NLGN1: variants seen among roughly 807,000 people sequenced by gnomAD.
The protein encoded by NLGN1 is neuroligin 1.
NLGN1 carries 12 observed loss-of-function variants against 65.5 expected under a neutral mutation model. The observed-to-expected ratio is 0.18, with a 90% CI of 0.12 to 0.30. The LOEUF is 0.30. Ranked by LOEUF, NLGN1 falls within the 10% of genes least tolerant of loss-of-function variation. NLGN1 has a pLI of 1.00. For synonymous variants in NLGN1, 350 were observed against 359.5 expected, an observed-to-expected ratio of 0.97 and a Z score of 0.30; for missense variants, 750 against 1,007.1, an observed-to-expected ratio of 0.74 and a Z score of 3.46.
Position 174,147,229 on chromosome 3 carries a change from G to A in NLGN1, c.647-128086G>A, listed in dbSNP as rs552681821. 1.1e-4 allele frequency among the ~76,000 whole-genome samples: 16 copies of A among 152,096 alleles called. No homozygotes were observed. The South Asian group carries it at 1.5e-3, about 14-fold the overall frequency. ...TTTGTGTAAGGATGTCATAGGTAGC[G>A]TCTGTAAAAGTTCCCGGCTCCAGGA... On this transcript the variant is annotated intron_variant, in intron 4 of 6. Transcript: ENST00000457714.
At chr3:174,211,131 C>T (rs1007081485) in intron 4 of NLGN1, among the ~76,000 whole-genome samples, 1 of 152,136 alleles carries the variant, frequency 6.6e-6, no homozygotes, top group Non-Finnish European at 1.5e-5. Context: ...TGTTACAGCT[C>T]ATAAAAGCAG....
chr3:174,157,409 A>G (rs1725640195), intron 4 of NLGN1, among the ~76,000 whole-genome samples: 1 of 151,840 alleles, frequency 6.6e-6, no homozygotes, highest in Admixed American at 6.6e-5. Flanking sequence ...TAAGTATTAT[A>G]AGTCACTATT....
At chr3:173,457,782 G>A (rs146997846) in intron 2 of NLGN1, among the ~76,000 whole-genome samples, 75 of 152,186 alleles carry the variant, frequency 4.9e-4, no homozygotes, top group African/African-American at 1.8e-3. Context: ...TGGAGATGAT[G>A]AAAAAGAAAA....
chr3:174,241,180 C>T (rs952338908), intron 4 of NLGN1, among the ~76,000 whole-genome samples: 2 of 152,128 alleles, frequency 1.3e-5, no homozygotes, highest in Non-Finnish European at 2.9e-5. Flanking sequence ...TCTTTATACT[C>T]ATTTTAACTG....
intron 4 of NLGN1, among the ~76,000 whole-genome samples, chr3:174,125,255 A>G (rs1408148003): frequency 2.6e-5 from 4 of 152,132 alleles, no homozygotes; most frequent in Non-Finnish European, 5.9e-5. Flanking sequence ...AAAGAAAGTA[A>G]GACTCATTTA....
At chr3:173,425,179 C>T (rs1298350975) in intron 1 of NLGN1, among the ~76,000 whole-genome samples, 1 of 152,096 alleles carries the variant, frequency 6.6e-6, no homozygotes, top group Non-Finnish European at 1.5e-5. Context: ...ATGAGAACAG[C>T]AAGGGGAAAC....
chr3:173,516,713 T>C (rs1018256299), intron 2 of NLGN1, among the ~76,000 whole-genome samples: 1 of 152,088 alleles, frequency 6.6e-6, no homozygotes. Flanking sequence ...ACTTTATGTA[T>C]GTTCTTCATA....
At chr3:174,152,333 T>C (rs1254332304) in intron 4 of NLGN1, among the ~76,000 whole-genome samples, 4 of 152,166 alleles carry the variant, frequency 2.6e-5, no homozygotes, top group African/African-American at 9.7e-5. Flanking sequence ...TATTTTAGAT[T>C]CTTCACAAGG....
At chr3:174,258,883 G>A (rs1193161742) in intron 4 of NLGN1, among the ~76,000 whole-genome samples, 2 of 152,056 alleles carry the variant, frequency 1.3e-5, no homozygotes, top group Non-Finnish European at 1.5e-5. Context: ...GAAGGAGAGG[G>A]TGGAAGAGGG....
At chr3:174,294,104 A>C in the NLGN1 span, among the ~76,000 whole-genome samples, 5 of 151,730 alleles carry the variant, frequency 3.3e-5, no homozygotes, top group Admixed American at 2.6e-4. Flanking sequence ...ACAGTGTATT[A>C]AAGTATCTAT....
At chr3:173,563,793 C>T (rs554956768) in intron 2 of NLGN1, among the ~76,000 whole-genome samples, 19 of 152,142 alleles carry the variant, frequency 1.2e-4, no homozygotes, top group Middle Eastern at 6.3e-3. Flanking sequence ...CAGTTAAAGC[C>T]GTCGGCATCT....
chr3:174,233,248 G>T (rs1741060013), intron 4 of NLGN1, among the ~76,000 whole-genome samples: 1 of 152,082 alleles, frequency 6.6e-6, no homozygotes, highest in East Asian at 1.9e-4. Context: ...TTGGGAGCCT[G>T]AGGCGGGAGG....
chr3:173,408,617 A>C (rs1711789164), intron 1 of NLGN1, among the ~76,000 whole-genome samples: 1 of 152,170 alleles, frequency 6.6e-6, no homozygotes, highest in Non-Finnish European at 1.5e-5. Context: ...TAACTTCTCA[A>C]GAATAGGCGC....
At chr3:173,758,411 A>T (rs1777457653) in intron 3 of NLGN1, among the ~76,000 whole-genome samples, 1 of 152,074 alleles carries the variant, frequency 6.6e-6, no homozygotes. Context: ...TTTTCTTGAA[A>T]ATTTCTGACC....
At chr3:173,558,096 T>G (rs1428280108) in intron 2 of NLGN1, among the ~76,000 whole-genome samples, 2 of 150,502 alleles carry the variant, frequency 1.3e-5, no homozygotes, top group Non-Finnish European at 3.0e-5. Context: ...TTATTTCTGA[T>G]AGAATATCAG....
At chr3:173,799,171 T>C (rs1425545390) in intron 3 of NLGN1, among the ~76,000 whole-genome samples, 2 of 152,006 alleles carry the variant, frequency 1.3e-5, no homozygotes, top group African/African-American at 4.8e-5. Context: ...TCTTGCTTAC[T>C]GCTATGTGAT....
At chr3:173,430,075 T>C (rs1389440895) in intron 1 of NLGN1, among the ~76,000 whole-genome samples, 1 of 152,218 alleles carries the variant, frequency 6.6e-6, no homozygotes, top group Non-Finnish European at 1.5e-5. Flanking sequence ...TGAAGAAACC[T>C]AACTGGTGAC....
chr3:173,533,282 C>T (rs1004038241), intron 2 of NLGN1, among the ~76,000 whole-genome samples: 1 of 152,290 alleles, frequency 6.6e-6, no homozygotes, highest in East Asian at 1.9e-4. Flanking sequence ...CCTTTACTTA[C>T]AGATTGTTTT....
At chr3:174,160,554 C>T (rs1450381157) in intron 4 of NLGN1, among the ~76,000 whole-genome samples, 1 of 151,488 alleles carries the variant, frequency 6.6e-6, no homozygotes, top group Non-Finnish European at 1.5e-5. Flanking sequence ...TCATATTCAT[C>T]CTTATACTTC....
Sources: allele counts gnomAD v4.1 joint callset (sites outside exome capture counted in the v4.1 genomes callset), GRCh38; gene constraint gnomAD v4.1.1; transcripts MANE v1.5; gene names NCBI Gene and HGNC (gene_info 2026-07-23, HGNC 2026-07-21).